The following KALRN variants were observed in gnomAD, a reference collection of about 807,000 sequenced individuals.
KALRN encodes kalirin.
A neutral mutation model predicts 353.7 loss-of-function variants in KALRN; 70 were observed. The ratio of observed to expected loss-of-function variants is 0.20; its 90% CI spans 0.16 to 0.24. The LOEUF (loss-of-function observed/expected upper bound fraction) is 0.24. Among genes scored for constraint, KALRN ranks in the 10% least tolerant of loss-of-function variants. The pLI is 1.00. For synonymous variants in KALRN, 1,391 were observed against 1,434.8 expected (o/e 0.97, Z 0.69); for missense variants, 2,791 against 3,756.7 (o/e 0.74, Z 6.72).
At chr3:124,681,741 C>T (rs964569077) in intron 51 of KALRN, among the ~76,000 whole-genome samples, 23 of 151,028 alleles carry the variant, frequency 1.5e-4, no homozygotes, top group African/African-American at 4.9e-4. Context: ...GGGATCCTCC[C>T]GCCTCAGCCT....
At chr3:124,278,100 G>C (rs1167392211) in intron 5 of KALRN, among the ~76,000 whole-genome samples, 3 of 151,630 alleles carry the variant, frequency 2.0e-5, no homozygotes, top group African/African-American at 7.3e-5. Context: ...CTGTGTGACA[G>C]GCCTTCTGTT....
chr3:124,102,258 C>T (rs994008744), intron 1 of KALRN, among the ~76,000 whole-genome samples: 3 of 152,170 alleles, frequency 2.0e-5, no homozygotes, highest in Non-Finnish European at 2.9e-5. Context: ...TTTGAACACA[C>T]ACCCGTTTGA....
chr3:124,100,569 A>G (rs1053928498), intron 1 of KALRN: 1 of 152,250 alleles, frequency 6.6e-6, no homozygotes. Flanking sequence ...TGCTAGAAGA[A>G]AACATAGGGA....
chr3:124,183,980 C>A (rs1180263388), intron 1 of KALRN, among the ~76,000 whole-genome samples: 1 of 152,182 alleles, frequency 6.6e-6, no homozygotes, highest in Non-Finnish European at 1.5e-5. Flanking sequence ...AATCACCATA[C>A]ATATGGTGCT....
intron 6 of KALRN, among the ~76,000 whole-genome samples, chr3:124,305,584 A>C (rs1426755942): frequency 6.6e-6 from 1 of 152,188 alleles, no homozygotes; most frequent in African/African-American, 2.4e-5. Context: ...TCAGGGAAAG[A>C]AAATCAGAGC....
At chr3:124,057,289 G>C (rs894389337) in intron 1 of KALRN, among the ~76,000 whole-genome samples, 11 of 152,178 alleles carry the variant, frequency 7.2e-5, no homozygotes, top group African/African-American at 2.7e-4. Context: ...GCTGGGCAGA[G>C]AGTGAGGAAC....
chr3:124,197,465 C>A (rs570009552), intron 1 of KALRN, among the ~76,000 whole-genome samples: 5 of 152,294 alleles, frequency 3.3e-5, no homozygotes, highest in African/African-American at 1.2e-4. Context: ...TTTATCTTGT[C>A]TCGTAGATCC....
intron 28 of KALRN, among the ~76,000 whole-genome samples, chr3:124,484,958 T>C (rs1172437774): frequency 6.6e-6 from 1 of 152,050 alleles, no homozygotes; most frequent in African/African-American, 2.4e-5. Flanking sequence ...TAGCTGGGCA[T>C]GGTGGTGTGT....
At chr3:124,151,097 T>C (rs1207383914) in intron 1 of KALRN, among the ~76,000 whole-genome samples, 1 of 152,226 alleles carries the variant, frequency 6.6e-6, no homozygotes, top group African/African-American at 2.4e-5. Context: ...ACAAGGTATT[T>C]GGGTTGTTTC....
chr3:124,659,918 T>C (rs1225405627), intron 43 of KALRN, among the ~76,000 whole-genome samples: 1 of 148,852 alleles, frequency 6.7e-6, no homozygotes, highest in Non-Finnish European at 1.5e-5. Flanking sequence ...AATCAATATA[T>C]ATTATAAAGT....
At chr3:124,327,984 G>T (rs1376662417) in intron 7 of KALRN, among the ~76,000 whole-genome samples, 2 of 152,210 alleles carry the variant, frequency 1.3e-5, no homozygotes, top group Admixed American at 1.3e-4. Context: ...ACAGGGCTGT[G>T]CTAAAGATAC....
chr3:124,511,379 T>C (rs758530027), intron 33 of KALRN, among the ~76,000 whole-genome samples: 3 of 152,130 alleles, frequency 2.0e-5, no homozygotes, highest in Non-Finnish European at 4.4e-5. Context: ...ATATACCACA[T>C]CCTTGATCTA....
intron 14 of KALRN, 93 bp from the exon 15 acceptor site, chr3:124,422,719 T>G (rs1576797309): frequency 4.7e-6 from 5 of 1,053,280 alleles, no homozygotes. Context: ...ATAATGGCTG[T>G]TTCCAAATTC....
At chr3:124,056,193 T>C (rs770036263) in intron 1 of KALRN, among the ~76,000 whole-genome samples, 10 of 152,238 alleles carry the variant, frequency 6.6e-5, no homozygotes, top group Non-Finnish European at 8.8e-5. Flanking sequence ...ATGCTGTAGT[T>C]GAGGGGGCAT....
intron 33 of KALRN, among the ~76,000 whole-genome samples, chr3:124,559,101 A>C (rs371280217): frequency 1.3e-5 from 2 of 152,372 alleles, no homozygotes; most frequent in Admixed American, 6.5e-5. Flanking sequence ...AGTTACAAAG[A>C]GTGGTTACGA....
intron 10 of KALRN, among the ~76,000 whole-genome samples, chr3:124,370,292 T>C (rs1241276881): frequency 2.0e-5 from 3 of 152,058 alleles, no homozygotes; most frequent in African/African-American, 7.2e-5. Context: ...GTAACGTGGA[T>C]ATCTAATGAT....
At chr3:124,670,971 C>T (rs915794209) in intron 47 of KALRN, among the ~76,000 whole-genome samples, 2 of 152,108 alleles carry the variant, frequency 1.3e-5, no homozygotes, top group African/African-American at 4.8e-5. Flanking sequence ...CCGACCTCAC[C>T]ACGCCCACAT....
chr3:124,455,101 C>G, intron 21 of KALRN, 76 bp from the exon 22 acceptor site: 1 of 1,534,036 alleles, frequency 6.5e-7, no homozygotes, highest in South Asian at 1.2e-5. Flanking sequence ...CTGCTCTAAA[C>G]AGGAAGAGAG....
At chr3:124,357,394 A>G (rs149059837) in intron 10 of KALRN, among the ~76,000 whole-genome samples, 166 of 152,316 alleles carry the variant, frequency 1.1e-3, no homozygotes, top group Non-Finnish European at 1.9e-3. Flanking sequence ...GAACCTATAG[A>G]TGGCTCCCCA....
Sources: gnomAD v4.1 joint callset for allele counts (sites outside exome capture counted in the v4.1 genomes callset) on GRCh38, gnomAD v4.1.1 for gene constraint, MANE v1.5 for transcripts, NCBI Gene and HGNC (gene_info 2026-07-23, HGNC 2026-07-21) for gene names.